CACNA2D4: variants seen among roughly 807,000 people sequenced by gnomAD.
CACNA2D4 encodes voltage-dependent calcium channel subunit alpha-2/delta-4.
CACNA2D4 carries 157 observed loss-of-function variants against 163.8 expected under a neutral mutation model. The observed-to-expected ratio is 0.96, with a 90% CI of 0.84 to 1.09. CACNA2D4 has a LOEUF of 1.09. Among genes scored for constraint, CACNA2D4 ranks in the 50% least tolerant of loss-of-function variants. CACNA2D4 has a pLI of 0.00. For missense variants in CACNA2D4, 1,410 were observed against 1,479.9 expected, an observed-to-expected ratio of 0.95 and a Z score of 0.78; for synonymous variants, 598 against 586.9, an observed-to-expected ratio of 1.02 and a Z score of -0.27.
In CACNA2D4 at chr12:1,883,948, C is replaced by T. The variant is rs1866070117; in HGVS notation, c.1351+295G>A. On this transcript the variant is annotated intron_variant, in intron 12 of 37. Transcript: ENST00000382722. This position sits in a 1 kb window ranked among gnomAD's most constrained non-coding sequence, Gnocchi z 4.5. The stretch of plus-strand genomic sequence containing the variant: ...GAGATAGATGAGGACCATTCACACA[C>T]AAAACATTATTCCAGAGAAAACAGT... The T allele has an allele frequency of 2.3e-6, 1 of 438,882 alleles. No homozygotes were observed. The highest frequency in any genetic ancestry group is 3.5e-5 in the Admixed American group (1 of 28,196). 27.2% of individuals were successfully genotyped at this position (438,882 alleles called of 1,614,324 possible).
At chr12:1,817,563 C>T (rs539757474) in intron 26 of CACNA2D4, among the ~76,000 whole-genome samples, 4 of 152,330 alleles carry the variant, frequency 2.6e-5, no homozygotes, top group South Asian at 2.1e-4. Flanking sequence ...GCTGCCATCT[C>T]GGCTCACTGC....
At chr12:1,903,337 C>T (rs756035218) in intron 6 of CACNA2D4, among the ~76,000 whole-genome samples, 2 of 151,984 alleles carry the variant, frequency 1.3e-5, no homozygotes, top group African/African-American at 4.8e-5. Context: ...CCCATGAGCA[C>T]ATGCAACCAA....
At chr12:1,800,112 G>T in intron 32 of CACNA2D4, 60 bp from the exon 33 acceptor site, 4 of 1,513,230 alleles carry the variant, frequency 2.6e-6, no homozygotes, top group Non-Finnish European at 1.8e-6. Context: ...GGGTTCCCAA[G>T]GAGCTGGAGT....
intron 7 of CACNA2D4, 51 bp downstream of exon 7, chr12:1,886,958 A>G: frequency 7.1e-7 from 1 of 1,405,848 alleles, no homozygotes; most frequent in Non-Finnish European, 9.9e-7. Context: ...AAAACCCAAA[A>G]GCTATGAGAT....
intron 16 of CACNA2D4, among the ~76,000 whole-genome samples, chr12:1,876,578 C>T (rs973592082): frequency 2.0e-4 from 31 of 152,244 alleles, no homozygotes; most frequent in African/African-American, 3.1e-4. Flanking sequence ...CTCCGGTCCC[C>T]TATCACTGTG....
intron 18 of CACNA2D4, among the ~76,000 whole-genome samples, chr12:1,865,472 G>A (rs577645070): frequency 3.8e-4 from 58 of 152,366 alleles, no homozygotes; most frequent in South Asian, 2.7e-3. Flanking sequence ...GGTCGGAAGT[G>A]TTCTCTTTAC....
intron 26 of CACNA2D4, chr12:1,821,944 G>C (rs895244024): frequency 6.6e-6 from 1 of 152,028 alleles, no homozygotes; most frequent in Non-Finnish European, 1.5e-5. Flanking sequence ...TTAGATAACT[G>C]CCTCAGGTGG....
rs1231138070 is a variant in CACNA2D4, at chr12:1,882,954, C to T, written c.1398G>A (p.Val466=). Residue 466 remains valine (V), a synonymous_variant, in exon 13 of 38, where the codon GTG becomes GTA. Coordinates refer to ENST00000382722, the MANE Select transcript of CACNA2D4 (RefSeq NM_172364.5). ...GGCTGAGCACGTGCAGGTATTCCATCACGTTCTCCTGGGTGTCCGCCAGCG... is the reference window on the plus strand; with the variant it reads ...GGCTGAGCACGTGCAGGTATTCCATTACGTTCTCCTGGGTGTCCGCCAGCG... ...ISTLADTQEN[V]MEYLHVLSRP... 6.2e-7 allele frequency: 1 copy of T among 1,613,342 alleles called. No individual in the cohort carries two copies. The highest frequency in any genetic ancestry group is 1.3e-5 in the African/African-American group (1 of 74,908).
chr12:1,895,672 C>T (rs1866386021), intron 6 of CACNA2D4, among the ~76,000 whole-genome samples: 1 of 152,036 alleles, frequency 6.6e-6, no homozygotes, highest in Admixed American at 6.5e-5. Flanking sequence ...CTTGCTCTGC[C>T]ACCCAGGCTG....
intron 6 of CACNA2D4, among the ~76,000 whole-genome samples, chr12:1,903,428 A>G (rs2154451482): frequency 6.6e-6 from 1 of 152,258 alleles, no homozygotes; most frequent in Non-Finnish European, 1.5e-5. Context: ...GTAAATAGAC[A>G]ATGCACAGAA....
In CACNA2D4 at chr12:1,869,922, G is replaced by A. The variant is rs1476013940; in HGVS notation, c.1878+4682C>T. On this transcript the variant is annotated intron_variant, in intron 18 of 37. Transcript: ENST00000382722. This position sits in a 1 kb window ranked among gnomAD's most constrained non-coding sequence, Gnocchi z 4.7. The stretch of plus-strand genomic sequence containing the variant: ...TTATTATATACTGGATATTTGAGGG[G>A]TAGGCTGTAGATACTCTTGTCTTCC... Among the ~76,000 whole-genome samples, 2 of 152,172 alleles carry A rather than the reference G, an allele frequency of 1.3e-5. No individual in the cohort carries two copies. The highest frequency in any genetic ancestry group is 2.9e-5 in the Non-Finnish European group (2 of 68,046).
At chr12:1,859,038 C>T (rs1865465453) in intron 19 of CACNA2D4, among the ~76,000 whole-genome samples, 1 of 152,186 alleles carries the variant, frequency 6.6e-6, no homozygotes, top group South Asian at 2.1e-4. Flanking sequence ...CCTTCCTCTC[C>T]TTGGCTGAAC....
intron 6 of CACNA2D4, among the ~76,000 whole-genome samples, chr12:1,904,332 A>C (rs1457767637): frequency 6.6e-6 from 1 of 152,072 alleles, no homozygotes; most frequent in African/African-American, 2.4e-5. Flanking sequence ...ATAGTTAGTA[A>C]TAATTTAATT....
In CACNA2D4 at chr12:1,801,102, A is replaced by T. The variant is rs1863306870; in HGVS notation, c.2809T>A (p.Tyr937Asn). ...CTCGAGGGTTTGCACATGGCCTGAT[A>T]GTCATACATAGTCACTCTGAAAATC... ...GVFSQVTMYD[Y>N]QAMCKPSSHH... The change falls in exon 31 of 38, where the codon TAT (tyrosine) becomes AAT (asparagine). Residue 937 changes from tyrosine to asparagine, a missense_variant. Tyr to Asn is a moderately radical substitution (Grantham distance 143). Coordinates refer to ENST00000382722, the MANE Select transcript of CACNA2D4 (RefSeq NM_172364.5). 6.2e-6 allele frequency: 10 copies of T among 1,613,722 alleles called. No homozygotes were observed. Among genetic ancestry groups the T allele is most frequent in the Non-Finnish European group, 8.5e-6 (10 of 1,179,806 alleles).
rs766208832 is a variant in CACNA2D4 at position 1,908,018 on chromosome 12, A to G, written c.506T>C (p.Val169Ala). The change falls in exon 5 of 38, where the codon GTC becomes GCC. Residue 169 changes from valine to alanine, a missense_variant. Physicochemically the swap from Val to Ala is moderately conservative, Grantham distance 64. Coordinates refer to ENST00000382722, the MANE Select transcript of CACNA2D4 (RefSeq NM_172364.5). ...ESLVFDYYNS[V>A]LINERDEKGN... ...CTTCTCGTCCCTCTCGTTGATCAGGACCGAGTTGTAATAGTCGAACTGGGG... is the reference window on the plus strand; with the variant it reads ...CTTCTCGTCCCTCTCGTTGATCAGGGCCGAGTTGTAATAGTCGAACTGGGG... 1.9e-6 allele frequency: 3 copies of G among 1,613,560 alleles called. No homozygotes were observed. In the Admixed American group the frequency reaches 5.0e-5, roughly 27 times the overall value.
Position 1,844,578 on chromosome 12 carries a change from C to CATCACTCTT in CACNA2D4, c.2343-58_2343-50dup. On this transcript the variant is annotated intron_variant, in intron 24 of 37. Coordinates refer to ENST00000382722, the MANE Select transcript of CACNA2D4 (RefSeq NM_172364.5). This position sits in a 1 kb window ranked among gnomAD's most constrained non-coding sequence, Gnocchi z 4.2. ...CTCTCCCCAGATCTGTGAACACAGT[C>CATCACTCTT]ATCACTCTTTCCTTTTCTCACACAA... is the stretch of plus-strand genomic sequence containing the variant. 6.3e-7 allele frequency: 1 copy of CATCACTCTT among 1,582,490 alleles called. No homozygotes were observed. Among genetic ancestry groups the CATCACTCTT allele is most frequent in the Non-Finnish European group, 8.6e-7 (1 of 1,159,046 alleles).
rs1397153145 is a variant in CACNA2D4 at position 1,798,612 on chromosome 12, C to T, written c.2995+1063G>A. ...CAGGGTCACGCAGTGGAAGGGGCTG[C>T]AGCACCTACGCCCCGGCCTGGGACT... On this transcript the variant is annotated intron_variant, in intron 34 of 37. Transcript: ENST00000382722. The surrounding 1 kb of genome is among the most constrained non-coding windows in gnomAD (Gnocchi z 4.3). 6.6e-6 allele frequency among the ~76,000 whole-genome samples: 1 copy of T among 152,148 alleles called. No individual in the cohort carries two copies. The highest frequency in any genetic ancestry group is 2.4e-5 in the African/African-American group (1 of 41,432).
chr12:1,905,821 C>T (rs972336132), intron 6 of CACNA2D4, among the ~76,000 whole-genome samples: 4 of 152,078 alleles, frequency 2.6e-5, no homozygotes, highest in African/African-American at 9.7e-5. Flanking sequence ...TCACAACGAG[C>T]AAGAGAAACT....
Position 1,828,086 on chromosome 12 carries a change from C to T in CACNA2D4, c.2551+12653G>A, listed in dbSNP as rs550418400. ...TCCTCCCTCCCTCAGGACTGACAGG[C>T]GGCGCACCCAGGGGCTCCTCTCTCC... On this transcript the variant is annotated intron_variant, in intron 26 of 37. Coordinates refer to ENST00000382722, the MANE Select transcript of CACNA2D4 (RefSeq NM_172364.5). The surrounding 1 kb of genome is among the most constrained non-coding windows in gnomAD (Gnocchi z 4.2). 1,047 of 1,426,548 alleles carry T rather than the reference C, an allele frequency of 7.3e-4. No homozygotes were observed. The highest frequency in any genetic ancestry group is 1.5e-3 in the Middle Eastern group (6 of 4,082). 88.4% of individuals were successfully genotyped at this position (1,426,548 alleles called of 1,614,324 possible). A position where few individuals can be genotyped will look rare whatever the true frequency, so the allele number is the denominator to read the frequency against.
Sources: gnomAD v4.1 joint callset for allele counts (sites outside exome capture counted in the v4.1 genomes callset) on GRCh38, gnomAD v4.1.1 for gene constraint, Gnocchi (gnomAD v3.1) non-coding constraint, MANE v1.5 for transcripts, NCBI Gene and HGNC (gene_info 2026-07-23, HGNC 2026-07-21) for gene names.